Variants in EIF2B3 observed in about 807,000 individuals in gnomAD.
The protein encoded by EIF2B3 is eukaryotic translation initiation factor 2B subunit gamma.
Under a neutral mutation model 54.1 loss-of-function variants are expected in EIF2B3, and 20 were observed. The observed-to-expected ratio is 0.37, with a 90% CI of 0.26 to 0.54. EIF2B3 has a LOEUF of 0.54. Ranked by LOEUF, EIF2B3 falls within the 20% of genes least tolerant of loss-of-function variation. The pLI is 0.86. For synonymous variants in EIF2B3, 153 were observed against 188.1 expected (o/e 0.81, Z 1.52); for missense variants, 448 against 547.8 (o/e 0.82, Z 1.82).
At chr1:44,954,422 T>C (rs995045808) in intron 3 of EIF2B3, among the ~76,000 whole-genome samples, 1 of 152,236 alleles carries the variant, frequency 6.6e-6, no homozygotes, top group Non-Finnish European at 1.5e-5. Context: ...CAGTAGTTTG[T>C]AGTTCTCCTT....
intron 10 of EIF2B3, among the ~76,000 whole-genome samples, chr1:44,866,679 T>C (rs2148897307): frequency 6.6e-6 from 1 of 152,094 alleles, no homozygotes; most frequent in East Asian, 1.9e-4. Flanking sequence ...CTCAGCCTCC[T>C]GAGTAGCTAG....
At chr1:44,887,552 G>A (rs374393748) in intron 6 of EIF2B3, among the ~76,000 whole-genome samples, 28 of 152,268 alleles carry the variant, frequency 1.8e-4, no homozygotes, top group Middle Eastern at 3.4e-3. Flanking sequence ...AGAACGTTCC[G>A]AATGAACAAT....
rs564908344 is a variant in EIF2B3 at position 44,911,702 on chromosome 1, G to A, written c.567-14258C>T. 1.8e-4 allele frequency among the ~76,000 whole-genome samples: 28 copies of A among 152,136 alleles called. 2 individuals carry two copies. Among genetic ancestry groups the A allele is most frequent in the Admixed American group, 6.5e-4 (10 of 15,294 alleles). ...TCTTGCTTTTTTGTTTGTTTGTTTTGTTTTGTTTTGTTTTTTTATTATACT... is the reference window on the plus strand; with the variant it reads ...TCTTGCTTTTTTGTTTGTTTGTTTTATTTTGTTTTGTTTTTTTATTATACT... On this transcript the variant is annotated intron_variant, in intron 5 of 11. Transcript: ENST00000360403.
chr1:44,907,515 G>C (rs1467588745), intron 5 of EIF2B3, among the ~76,000 whole-genome samples: 2 of 152,152 alleles, frequency 1.3e-5, no homozygotes, highest in Non-Finnish European at 2.9e-5. Flanking sequence ...CCAAGATCGT[G>C]CCATTGCACT....
intron 6 of EIF2B3, among the ~76,000 whole-genome samples, chr1:44,886,737 C>T (rs1011926260): frequency 4.6e-5 from 7 of 152,246 alleles, no homozygotes; most frequent in Non-Finnish European, 1.0e-4. Context: ...TGTAACCAAT[C>T]CAGTTGTTTT....
At chr1:44,971,832 A>C (rs1265870290) in intron 3 of EIF2B3, among the ~76,000 whole-genome samples, 2 of 151,742 alleles carry the variant, frequency 1.3e-5, no homozygotes, top group African/African-American at 4.8e-5. Context: ...GGAGTTTGAG[A>C]CCAACCTGGC....
chr1:44,941,716 A>G, intron 3 of EIF2B3, 51 bp from the exon 4 acceptor site: 21 of 1,604,758 alleles, frequency 1.3e-5, no homozygotes, highest in Non-Finnish European at 1.8e-5. Context: ...AATGGATTAC[A>G]CAAATCATCA....
chr1:44,939,087 G>C (rs990768051), intron 4 of EIF2B3, among the ~76,000 whole-genome samples: 1 of 104,412 alleles, frequency 9.6e-6, no homozygotes, highest in East Asian at 3.2e-4. Context: ...CGGCAACAGA[G>C]TAAGACCCTG....
intron 3 of EIF2B3, among the ~76,000 whole-genome samples, chr1:44,963,373 G>A (rs911004960): frequency 1.3e-5 from 2 of 151,442 alleles, no homozygotes; most frequent in African/African-American, 4.9e-5. Context: ...AGGCTCAGGT[G>A]ATCCTCCCAC....
chr1:44,868,496 A>ATTT (rs57428854), intron 10 of EIF2B3, among the ~76,000 whole-genome samples: 1 of 135,456 alleles, frequency 7.4e-6, no homozygotes, highest in Non-Finnish European at 1.6e-5. Flanking sequence ...CTAACACTGG[A>ATTT]TTTTTTTTTT....
intron 5 of EIF2B3, among the ~76,000 whole-genome samples, chr1:44,919,146 G>A (rs1482566375): frequency 4.6e-5 from 7 of 152,016 alleles, no homozygotes; most frequent in Admixed American, 6.6e-5. Flanking sequence ...TCAGGAGTTC[G>A]AAACCAGCCT....
chr1:44,878,406 G>A (rs763071960), intron 8 of EIF2B3, among the ~76,000 whole-genome samples: 12 of 152,082 alleles, frequency 7.9e-5, no homozygotes, highest in Admixed American at 1.3e-4. Context: ...GGGATTACAG[G>A]TGCATGCCAC....
chr1:44,972,960 G>A (rs567779435), intron 3 of EIF2B3, among the ~76,000 whole-genome samples: 18 of 152,286 alleles, frequency 1.2e-4, no homozygotes, highest in Non-Finnish European at 1.9e-4. Flanking sequence ...AGCATCGCTT[G>A]ACCCTGGGAG....
chr1:44,942,488 T>TA (rs1644046638), intron 3 of EIF2B3, among the ~76,000 whole-genome samples: 1 of 131,326 alleles, frequency 7.6e-6, no homozygotes, highest in Non-Finnish European at 1.6e-5. Flanking sequence ...AATGCAGCGG[T>TA]GCGGTCACAG....
At chr1:44,931,105 A>G (rs1186485330) in intron 4 of EIF2B3, among the ~76,000 whole-genome samples, 3 of 152,216 alleles carry the variant, frequency 2.0e-5, no homozygotes, top group Non-Finnish European at 4.4e-5. Context: ...TTCTATAATT[A>G]GGTTACATAA....
chr1:44,917,504 A>C (rs967014659), intron 5 of EIF2B3, among the ~76,000 whole-genome samples: 1 of 151,668 alleles, frequency 6.6e-6, no homozygotes, highest in East Asian at 1.9e-4. Context: ...CAAAAAAAAA[A>C]AAAAGAAAAA....
chr1:44,926,105 G>A (rs1012528029), intron 5 of EIF2B3, among the ~76,000 whole-genome samples: 1 of 151,926 alleles, frequency 6.6e-6, no homozygotes. Context: ...GCGCATACCT[G>A]TAATCCCAGC....
chr1:44,978,413 C>G lies in EIF2B3; in HGVS notation c.196G>C (p.Glu66Gln), dbSNP rs1442706104. The G allele has an allele frequency of 5.6e-6, 9 of 1,613,746 alleles. No individual in the cohort carries two copies. The highest frequency in any genetic ancestry group is 6.8e-6 in the Non-Finnish European group (8 of 1,180,010). Residue 66 changes from glutamate to glutamine, a missense_variant, in exon 3 of 12, where the codon GAA becomes CAA. By Grantham distance (29) the Glu-to-Gln change is conservative. Coordinates refer to ENST00000360403, the MANE Select transcript of EIF2B3 (RefSeq NM_020365.5). ...TRDVQKALCA[E>Q]FKMKMKPDIV... ...TCTGGCTTCATTTTCATCTTGAATTCTGCACATAGAGCCTTTTGAACATCC... is the reference window on the plus strand; with the variant it reads ...TCTGGCTTCATTTTCATCTTGAATTGTGCACATAGAGCCTTTTGAACATCC...
At chr1:44,877,222 A>AAAAC in intron 8 of EIF2B3, among the ~76,000 whole-genome samples, 1 of 148,876 alleles carries the variant, frequency 6.7e-6, no homozygotes, top group South Asian at 2.1e-4. Flanking sequence ...AAAAAAAAAA[A>AAAAC]CACCTTAGGT....
Sources: gnomAD v4.1 joint callset for allele counts (sites outside exome capture counted in the v4.1 genomes callset) on GRCh38, gnomAD v4.1.1 for gene constraint, MANE v1.5 for transcripts, NCBI Gene and HGNC (gene_info 2026-07-23, HGNC 2026-07-21) for gene names.